The following LVRN variants were observed in gnomAD, a reference collection of about 807,000 sequenced individuals.
LVRN encodes aminopeptidase Q.
In LVRN, 99 loss-of-function variants were observed where a neutral mutation model predicts 111.4. The ratio of observed to expected loss-of-function variants is 0.89; its 90% confidence interval spans 0.76 to 1.05. LVRN has a LOEUF of 1.05. Ranked by LOEUF, LVRN falls within the 50% of genes least tolerant of loss-of-function variation. The pLI, the probability that LVRN is intolerant of heterozygous loss-of-function variation, is 0.00. For missense variants in LVRN, 1,414 were observed against 1,206.8 expected, an observed-to-expected ratio of 1.17 and a Z score of -2.54; for synonymous variants, 488 against 449.5, an observed-to-expected ratio of 1.09 and a Z score of -1.08.
rs1748200055 is a variant in LVRN at position 115,999,859 on chromosome 5, C to G, written c.1472C>G (p.Thr491Arg). Reference sequence around the variant, plus strand: ...GCCATGAAGGTGGAAAATTTCAAAACAAGTGAAATACAGGAACTCTTTGAC... The same window carrying G: ...GCCATGAAGGTGGAAAATTTCAAAAGAAGTGAAATACAGGAACTCTTTGAC... ...AVAMKVENFK[T>R]SEIQELFDIF... The change falls in exon 7 of 20, where the codon ACA (threonine) becomes AGA (arginine). Residue 491 changes from threonine to arginine, a missense_variant. Physicochemically the swap from Thr to Arg is moderately conservative, Grantham distance 71. Coordinates refer to ENST00000357872, the MANE Select transcript of LVRN (RefSeq NM_173800.5). The G allele has an allele frequency of 6.2e-7, 1 of 1,613,440 alleles. No individual in the cohort carries two copies. Among genetic ancestry groups the G allele is most frequent in the Non-Finnish European group, 8.5e-7 (1 of 1,179,804 alleles).
Position 116,001,089 on chromosome 5 carries a change from T to C in LVRN, c.1670T>C (p.Val557Ala), listed in dbSNP as rs1401376170. The change falls in exon 10 of 20, where the codon GTT becomes GCT. Residue 557 changes from valine (V) to alanine (A), a missense_variant. Physicochemically the swap from Val to Ala is moderately conservative, Grantham distance 64. Transcript: ENST00000357872. Reference protein sequence around the residue: ...FQMAIDDQSTVILPATIKNIM... With the variant: ...FQMAIDDQSTAILPATIKNIM... ...CAGGCCATAGATGACCAGAGTACAG[T>C]TATTTTGCCAGCAACAATAAAAAAC... 1.9e-6 allele frequency: 3 copies of C among 1,610,656 alleles called. No homozygotes were observed. Among genetic ancestry groups the C allele is most frequent in the Non-Finnish European group, 2.5e-6 (3 of 1,179,082 alleles).
At chr5:116,001,042 C>T in intron 9 of LVRN, 25 bp from the exon 10 acceptor site, 1 of 1,573,338 alleles carries the variant, frequency 6.4e-7, no homozygotes, top group Non-Finnish European at 8.6e-7. Flanking sequence ...ACCTTACCTG[C>T]CTTTGTGGTG....
At chr5:116,003,566 TG>T (rs113845587) in intron 12 of LVRN, among the ~76,000 whole-genome samples, 186 bp downstream of exon 12, 24 of 116,486 alleles carry the variant, frequency 2.1e-4, no homozygotes, top group South Asian at 5.3e-4. Context: ...GTTGTCTGTG[TG>T]GTTTTTTTTT....
intron 18 of LVRN, among the ~76,000 whole-genome samples, chr5:116,017,309 T>G (rs1748622203): frequency 6.6e-6 from 1 of 152,188 alleles, no homozygotes. Context: ...GAATATCATG[T>G]GAAGCAGTTT....
chr5:115,993,651 G>T, intron 5 of LVRN, 90 bp from the exon 6 acceptor site: 2 of 806,012 alleles, frequency 2.5e-6, no homozygotes, highest in South Asian at 1.8e-5. Flanking sequence ...TATGTCTTTT[G>T]ACCTTACATT....
At chr5:115,971,020 T>A (rs576816907) in intron 1 of LVRN, among the ~76,000 whole-genome samples, 1 of 152,344 alleles carries the variant, frequency 6.6e-6, no homozygotes, top group South Asian at 2.1e-4. Flanking sequence ...TTACCAGCAG[T>A]TGGTATTGCC....
At chr5:116,025,881 A>G (rs1313991252) in intron 19 of LVRN, 97 bp from the exon 20 acceptor site, 29 of 1,494,842 alleles carry the variant, frequency 1.9e-5, no homozygotes, top group Non-Finnish European at 2.5e-5. Context: ...CATCATCACC[A>G]ATTTACAAAC....
chr5:116,012,673 G>T (rs2112628358), intron 15 of LVRN, among the ~76,000 whole-genome samples: 1 of 152,298 alleles, frequency 6.6e-6, no homozygotes, highest in South Asian at 2.1e-4. Flanking sequence ...TACCTGCAAA[G>T]CACGTGCATG....
intron 1 of LVRN, among the ~76,000 whole-genome samples, chr5:115,982,614 G>A (rs146242801): frequency 9.9e-5 from 15 of 152,024 alleles, no homozygotes; most frequent in Middle Eastern, 3.2e-3. Flanking sequence ...ACGTCTTCTC[G>A]TCTGCTCGGG....
chr5:115,963,055 G>T lies in LVRN; in HGVS notation c.438G>T (p.Leu146=). The part of the protein sequence containing the change: ...RCTVATSRLL[L]HSLFQDCERA... The stretch of plus-strand genomic sequence containing the variant: ...CGGTGGCCACCTCTCGACTGCTGCT[G>T]CATAGCCTCTTCCAGGACTGCGAGC... The change falls in exon 1 of 20, where the codon CTG becomes CTT. Residue 146 remains leucine (L), a synonymous_variant. Transcript: ENST00000357872. 6.2e-7 allele frequency: 1 copy of T among 1,613,624 alleles called. No individual in the cohort carries two copies. The highest frequency in any genetic ancestry group is 8.5e-7 in the Non-Finnish European group (1 of 1,179,920).
chr5:115,973,616 C>G (rs1008118407), intron 1 of LVRN, among the ~76,000 whole-genome samples: 2 of 152,186 alleles, frequency 1.3e-5, no homozygotes, highest in African/African-American at 4.8e-5. Flanking sequence ...TCTATTTCTT[C>G]ATGAGTAAAC....
chr5:115,988,766 C>A (rs145689736), intron 4 of LVRN, among the ~76,000 whole-genome samples: 1 of 152,160 alleles, frequency 6.6e-6, no homozygotes, highest in East Asian at 1.9e-4. Flanking sequence ...AAACCAGCCT[C>A]GGCCCATTCA....
intron 1 of LVRN, among the ~76,000 whole-genome samples, chr5:115,964,795 A>C (rs1215465617): frequency 1.3e-5 from 2 of 152,240 alleles, no homozygotes; most frequent in African/African-American, 4.8e-5. Context: ...AATTCAAGCA[A>C]GAAGAAATCT....
At chr5:115,971,950 TA>T (rs913113878) in intron 1 of LVRN, among the ~76,000 whole-genome samples, 2 of 62,822 alleles carry the variant, frequency 3.2e-5, no homozygotes, top group African/African-American at 4.8e-5. Flanking sequence ...TTCTAACCCA[TA>T]AACATGGTAT....
chr5:115,993,119 G>T (rs1186644828), intron 5 of LVRN, among the ~76,000 whole-genome samples: 1 of 151,952 alleles, frequency 6.6e-6, no homozygotes. Flanking sequence ...TAAGAATTTG[G>T]TGAAATACCA....
At chr5:116,010,093 T>C (rs1748454301) in intron 13 of LVRN, among the ~76,000 whole-genome samples, 1 of 152,212 alleles carries the variant, frequency 6.6e-6, no homozygotes, top group Admixed American at 6.5e-5. Context: ...ACCACCCTGA[T>C]CAGTTAGCAG....
chr5:115,991,614 G>A lies in LVRN; in HGVS notation c.1106-509G>A, dbSNP rs551007367. Among the ~76,000 whole-genome samples the A allele has an allele frequency of 3.9e-5, 6 of 152,244 alleles. No individual in the cohort carries two copies. In the East Asian group the frequency reaches 9.7e-4, roughly 25 times the overall value. The stretch of plus-strand genomic sequence containing the variant: ...CAACCTATAGTGACTGTACCATTTT[G>A]CATCCCCACGAGCAATGAATGAGAG... On this transcript the variant is annotated intron_variant, in intron 4 of 19. Coordinates refer to ENST00000357872, the MANE Select transcript of LVRN (RefSeq NM_173800.5).
intron 1 of LVRN, among the ~76,000 whole-genome samples, chr5:115,966,554 C>T (rs1187060485): frequency 6.6e-6 from 1 of 152,132 alleles, no homozygotes; most frequent in African/African-American, 2.4e-5. Context: ...CTCTATGTTG[C>T]CCAGGCTAGC....
At position 116,011,433 on chromosome 5, in the gene LVRN, T is replaced by C. The variant is rs551045856; in HGVS notation, c.2247+539T>C. Among the ~76,000 whole-genome samples the C allele has an allele frequency of 2.0e-4, 31 of 151,878 alleles. No individual in the cohort carries two copies. In the South Asian group the frequency reaches 2.3e-3, roughly 11 times the overall value. ...TGAACAGAGAAATGACATGCCATAATAAATGAAAAAAAAATTTCCATTTTT... is the reference window on the plus strand; with the variant it reads ...TGAACAGAGAAATGACATGCCATAACAAATGAAAAAAAAATTTCCATTTTT... On this transcript the variant is annotated intron_variant, in intron 14 of 19. Transcript: ENST00000357872.
Sources: gnomAD v4.1 joint callset for allele counts (sites outside exome capture counted in the v4.1 genomes callset) on GRCh38, gnomAD v4.1.1 for gene constraint, MANE v1.5 for transcripts, NCBI Gene and HGNC (gene_info 2026-07-23, HGNC 2026-07-21) for gene names.